The following MDN1 variants were observed in gnomAD, a reference collection of about 807,000 sequenced individuals.
MDN1 encodes the protein midasin AAA ATPase 1, also known as midasin.
In MDN1, 266 loss-of-function variants were observed where a neutral mutation model predicts 669.2. The observed-to-expected ratio is 0.40, with a 90% CI of 0.36 to 0.44. The LOEUF (loss-of-function observed/expected upper bound fraction) is 0.44, where lower values mean the gene tolerates loss of function less well. MDN1 is among the 20% of genes least tolerant of loss of function. MDN1 has a pLI of 1.00. For synonymous variants in MDN1, 2,385 were observed against 2,457.1 expected, an observed-to-expected ratio of 0.97 and a Z score of 0.87; for missense variants, 5,940 against 6,754.0, an observed-to-expected ratio of 0.88 and a Z score of 4.22.
At chr6:89,704,296 G>A (rs913765647) in intron 53 of MDN1, among the ~76,000 whole-genome samples, 5 of 152,104 alleles carry the variant, frequency 3.3e-5, no homozygotes, top group African/African-American at 4.8e-5. Flanking sequence ...CAGGAGAATT[G>A]CTTCAACCTA....
chr6:89,761,352 A>C (rs974105145), intron 17 of MDN1, among the ~76,000 whole-genome samples: 7 of 152,214 alleles, frequency 4.6e-5, no homozygotes, highest in Admixed American at 1.3e-4. Flanking sequence ...GAGATGATGA[A>C]TATTCACTAG....
intron 69 of MDN1, among the ~76,000 whole-genome samples, chr6:89,686,485 T>C (rs1003589418): frequency 2.0e-5 from 3 of 152,134 alleles, no homozygotes; most frequent in African/African-American, 7.2e-5. Context: ...ACATAGAGCA[T>C]GTGTTAAATG....
intron 1 of MDN1, among the ~76,000 whole-genome samples, chr6:89,808,175 T>C (rs191776770): frequency 3.9e-5 from 6 of 152,254 alleles, no homozygotes; most frequent in Non-Finnish European, 5.9e-5. Flanking sequence ...ATCTTTATTA[T>C]TTTGGGGTCT....
At chr6:89,780,575 T>C (rs1818616660) in intron 10 of MDN1, among the ~76,000 whole-genome samples, 2 of 151,390 alleles carry the variant, frequency 1.3e-5, no homozygotes, top group Non-Finnish European at 2.9e-5. Flanking sequence ...CTGCCATCCA[T>C]GCCAGACAAG....
intron 22 of MDN1, among the ~76,000 whole-genome samples, chr6:89,752,744 G>T (rs554928541): frequency 6.6e-6 from 1 of 152,252 alleles, no homozygotes; most frequent in South Asian, 2.1e-4. Flanking sequence ...AATGCTATGT[G>T]GCCCTTAGAA....
chr6:89,750,993 C>G (rs1414082871), intron 23 of MDN1, among the ~76,000 whole-genome samples: 21 of 150,804 alleles, frequency 1.4e-4, no homozygotes, highest in Admixed American at 1.4e-3. Flanking sequence ...TTTTTTTCCC[C>G]TTTTTACATT....
intron 88 of MDN1, among the ~76,000 whole-genome samples, chr6:89,660,414 G>A (rs1197395378): frequency 2.0e-5 from 3 of 151,892 alleles, no homozygotes; most frequent in African/African-American, 7.3e-5. Context: ...CAAACTCTGA[G>A]CTCAAGTGAT....
At chr6:89,782,839 G>T (rs1286923657) in intron 9 of MDN1, among the ~76,000 whole-genome samples, 3 of 152,080 alleles carry the variant, frequency 2.0e-5, no homozygotes, top group Non-Finnish European at 4.4e-5. Flanking sequence ...CCCAAATGGA[G>T]GGACCAGCTG....
At chr6:89,751,223 T>C (rs760777142) in intron 23 of MDN1, among the ~76,000 whole-genome samples, 1 of 152,232 alleles carries the variant, frequency 6.6e-6, no homozygotes, top group Non-Finnish European at 1.5e-5. Context: ...TAAAATCATC[T>C]GCATCCATAG....
chr6:89,718,126 T>C (rs1366684578), intron 43 of MDN1, among the ~76,000 whole-genome samples: 1 of 152,230 alleles, frequency 6.6e-6, no homozygotes, highest in Non-Finnish European at 1.5e-5. Context: ...TTATAGGTGA[T>C]TACACACAAA....
intron 75 of MDN1, among the ~76,000 whole-genome samples, chr6:89,678,317 C>T (rs936767920): frequency 4.6e-5 from 7 of 151,774 alleles, no homozygotes; most frequent in African/African-American, 1.5e-4. Context: ...GGCAACAGAG[C>T]GAGACTCAGT....
chr6:89,699,872 C>A, intron 57 of MDN1, 145 bp from the exon 58 acceptor site: 1 of 1,146,456 alleles, frequency 8.7e-7, no homozygotes, highest in Non-Finnish European at 1.2e-6. Flanking sequence ...TTCTCGGTGA[C>A]TTTTAAAGTA....
At position 89,680,669 on chromosome 6, in the gene MDN1, T is replaced by G. The variant is rs747109665; in HGVS notation, c.12185A>C (p.Lys4062Thr). Residue 4062 changes from lysine to threonine, a missense_variant, in exon 74 of 102, where the codon AAA (lysine) becomes ACA (threonine). Physicochemically the swap from Lys to Thr is moderately conservative, Grantham distance 78. Coordinates refer to ENST00000369393, the MANE Select transcript of MDN1 (RefSeq NM_014611.3). Reference sequence around the variant, plus strand: ...CGTCAGGCACATCTTCCTCATGCGTTTCCTGAGCTTTGGCAAGCGACGCAG... The same window carrying G: ...CGTCAGGCACATCTTCCTCATGCGTGTCCTGAGCTTTGGCAAGCGACGCAG... ...ELLRRLPKLR[K>T]RMRKMCLTFM... The G allele has an allele frequency of 2.1e-5, 34 of 1,614,020 alleles. No homozygotes were observed. The South Asian group carries it at 3.6e-4, about 17-fold the overall frequency.
rs750515521 is a variant in MDN1 at position 89,794,761 on chromosome 6, G to A, written c.370C>T (p.Gln124Ter). ...RYFKDTSPVF[Q>*]RLFLESSDAN... Reference sequence around the variant, plus strand: ...TCTGAACTCTCTAGGAAAAGTCTTTGAAAGACTGGGGATGTGTCCTTGAAA... The same window carrying A: ...TCTGAACTCTCTAGGAAAAGTCTTTAAAAGACTGGGGATGTGTCCTTGAAA... The change falls in exon 3 of 102, where the codon CAA becomes TAA. Residue 124 changes from glutamine (Q) to a stop codon, truncating the protein, a stop_gained. Coordinates refer to ENST00000369393, the MANE Select transcript of MDN1 (RefSeq NM_014611.3). LOFTEE classifies it high-confidence loss of function. The A allele has an allele frequency of 6.2e-7, 1 of 1,614,188 alleles. No homozygotes were observed. Among genetic ancestry groups the A allele is most frequent in the Non-Finnish European group, 8.5e-7 (1 of 1,180,038 alleles).
chr6:89,802,192 G>A (rs1401707217), intron 2 of MDN1, among the ~76,000 whole-genome samples: 1 of 152,114 alleles, frequency 6.6e-6, no homozygotes, highest in African/African-American at 2.4e-5. Flanking sequence ...TTACTTGGCT[G>A]TATATTTTCT....
intron 83 of MDN1, among the ~76,000 whole-genome samples, 178 bp from the exon 84 acceptor site, chr6:89,668,329 T>C (rs947070651): frequency 2.0e-5 from 3 of 152,268 alleles, no homozygotes; most frequent in African/African-American, 7.2e-5. Flanking sequence ...TTGGTGCTAA[T>C]AGTTATGCAG....
At chr6:89,776,484 T>C in intron 12 of MDN1, 116 bp downstream of exon 12, 1 of 711,036 alleles carries the variant, frequency 1.4e-6, no homozygotes, top group Non-Finnish European at 2.3e-6. Context: ...CACCAACTTT[T>C]ACAAAAGAGG....
At chr6:89,689,726 T>G (rs1812251537) in intron 65 of MDN1, 144 bp downstream of exon 65, 2 of 996,484 alleles carry the variant, frequency 2.0e-6, no homozygotes, top group African/African-American at 3.3e-5. Flanking sequence ...TTGAATCAGC[T>G]TCAGTTCTTT....
Position 89,699,624 on chromosome 6 carries a change from A to G in MDN1, c.8974T>C (p.Trp2992Arg). ...PVTPQELRDL[W>R]SLLHHQKVSP... ...ACCTTCTGATGATGCAGCAAGGACC[A>G]CAGATCTCGAAGCTCTTGAGGTGTA... Residue 2992 changes from tryptophan to arginine, a missense_variant, in exon 58 of 102, where the codon TGG becomes CGG. By Grantham distance (101) the Trp-to-Arg change is moderately radical. Around this residue, in one of 5 missense-constraint regions of MDN1, gnomAD observed 2,292 missense variants for 2,638.3 expected, o/e 0.87. Transcript: ENST00000369393. 1 of 1,614,052 alleles carries G rather than the reference A, an allele frequency of 6.2e-7. No homozygotes were observed. Among genetic ancestry groups the G allele is most frequent in the Non-Finnish European group, 8.5e-7 (1 of 1,179,962 alleles).
Sources: gnomAD v4.1 joint callset for allele counts (sites outside exome capture counted in the v4.1 genomes callset) on GRCh38, gnomAD v4.1.1 for gene constraint, gnomAD v4.1.1 regional missense constraint, MANE v1.5 for transcripts, NCBI Gene and HGNC (gene_info 2026-07-23, HGNC 2026-07-21) for gene names.